YPEL2: variants seen among roughly 807,000 people sequenced by gnomAD.
YPEL2 encodes yippee like 2, also known as protein yippee-like 2.
A neutral mutation model predicts 19.1 loss-of-function variants in YPEL2; 2 were observed. That is an observed-to-expected ratio of 0.10 (90% confidence interval 0.04 to 0.33). YPEL2 has a LOEUF of 0.33. Among genes scored for constraint, YPEL2 ranks in the 10% least tolerant of loss-of-function variants. The probability of loss-of-function intolerance (pLI) is 1.00; values close to 1 mark genes in which losing one functional copy is unlikely to be tolerated. For synonymous variants in YPEL2, 52 were observed against 50.0 expected (o/e 1.04, Z -0.17); for missense variants, 66 against 140.7 (o/e 0.47, Z 2.68).
At chr17:59,358,311 T>C (rs1311278670) in intron 2 of YPEL2, among the ~76,000 whole-genome samples, 1 of 152,148 alleles carries the variant, frequency 6.6e-6, no homozygotes, top group Non-Finnish European at 1.5e-5. Context: ...TCCCTTCCTG[T>C]CTAGAGATTA....
intron 1 of YPEL2, among the ~76,000 whole-genome samples, chr17:59,347,500 C>CT (rs2047762366): frequency 6.6e-6 from 1 of 152,094 alleles, no homozygotes; most frequent in Non-Finnish European, 1.5e-5. Context: ...GTCAGATCTC[C>CT]TTTTTAAATA....
chr17:59,363,829 A>G (rs2047854400), intron 2 of YPEL2, among the ~76,000 whole-genome samples: 2 of 152,114 alleles, frequency 1.3e-5, no homozygotes, highest in Admixed American at 6.5e-5. Flanking sequence ...GGCCTTGCCT[A>G]TTTTATGGTC....
intron 1 of YPEL2, among the ~76,000 whole-genome samples, chr17:59,348,284 T>C (rs1329527462): frequency 6.6e-6 from 1 of 152,244 alleles, no homozygotes; most frequent in Non-Finnish European, 1.5e-5. Flanking sequence ...TTCCTTCCTG[T>C]AGAGAGTCCC....
intron 2 of YPEL2, among the ~76,000 whole-genome samples, chr17:59,382,944 T>C (rs1171404032): frequency 6.6e-6 from 1 of 152,150 alleles, no homozygotes; most frequent in Non-Finnish European, 1.5e-5. Flanking sequence ...CGCCTAGCAC[T>C]GAAAAGTGTT....
At chr17:59,347,291 G>A (rs967659096) in intron 1 of YPEL2, among the ~76,000 whole-genome samples, 1 of 152,078 alleles carries the variant, frequency 6.6e-6, no homozygotes, top group Non-Finnish European at 1.5e-5. Context: ...CTAGTTCCAG[G>A]TCCTTTTTTT....
chr17:59,360,651 G>T lies in YPEL2; in HGVS notation c.117+7125G>T, dbSNP rs73325113. Among the ~76,000 whole-genome samples the T allele has an allele frequency of 7.0e-3, 1,060 of 152,300 alleles. 12 individuals carry two copies. The highest frequency in any genetic ancestry group is 0.025 in the African/African-American group (1,027 of 41,554). On this transcript the variant is annotated intron_variant, in intron 2 of 4. Transcript: ENST00000312655. Reference sequence around the variant, plus strand: ...TTGACCACCCAGGAAGGGGTGGCAGGTGAATCAAATCTGTACAGAAAGTCT... The same window carrying T: ...TTGACCACCCAGGAAGGGGTGGCAGTTGAATCAAATCTGTACAGAAAGTCT...
intron 4 of YPEL2, among the ~76,000 whole-genome samples, chr17:59,395,952 G>C (rs1489835598): frequency 1.3e-5 from 2 of 152,108 alleles, no homozygotes; most frequent in Non-Finnish European, 1.5e-5. Context: ...ATGGTGGCAG[G>C]CTCCTGTAGT....
chr17:59,387,316 C>T (rs1241397395), intron 2 of YPEL2, among the ~76,000 whole-genome samples: 1 of 151,344 alleles, frequency 6.6e-6, no homozygotes, highest in Non-Finnish European at 1.5e-5. Context: ...CAGCACTGAT[C>T]CCTGACGTCC....
At chr17:59,397,005 T>TG (rs1368908152) in intron 4 of YPEL2, 96 bp from the exon 5 acceptor site, 7 of 848,474 alleles carry the variant, frequency 8.3e-6, no homozygotes, top group Non-Finnish European at 1.2e-5. Context: ...CACTCCAGCC[T>TG]GGGTGACAGA....
chr17:59,376,517 C>T (rs1314215827), intron 2 of YPEL2, among the ~76,000 whole-genome samples: 1 of 152,190 alleles, frequency 6.6e-6, no homozygotes, highest in Non-Finnish European at 1.5e-5. Flanking sequence ...CATGTCCGGC[C>T]AGATAGTTTG....
At chr17:59,345,302 T>A (rs993320236) in intron 1 of YPEL2, 4 of 152,142 alleles carry the variant, frequency 2.6e-5, no homozygotes, top group African/African-American at 7.2e-5. Flanking sequence ...AATGGTTGTT[T>A]TTGTTTATGA....
intron 3 of YPEL2, 31 bp downstream of exon 3, chr17:59,388,401 G>T (rs1392208726): frequency 1.2e-6 from 2 of 1,610,394 alleles, no homozygotes; most frequent in African/African-American, 1.3e-5. Context: ...CATTCCTTGT[G>T]GGGTACAGAT....
intron 2 of YPEL2, among the ~76,000 whole-genome samples, chr17:59,377,385 A>C (rs2047927494): frequency 2.0e-5 from 3 of 152,166 alleles, no homozygotes; most frequent in African/African-American, 7.2e-5. Context: ...CCAGCTCTTA[A>C]TGGCTGACTG....
At chr17:59,348,774 T>C (rs775993096) in intron 1 of YPEL2, among the ~76,000 whole-genome samples, 2 of 152,178 alleles carry the variant, frequency 1.3e-5, no homozygotes, top group East Asian at 1.9e-4. Context: ...TCCACAGTTA[T>C]GTTCTATGAG....
At chr17:59,374,083 C>T (rs1419528482) in intron 2 of YPEL2, among the ~76,000 whole-genome samples, 1 of 152,218 alleles carries the variant, frequency 6.6e-6, no homozygotes, top group Non-Finnish European at 1.5e-5. Flanking sequence ...TCAATCCCTT[C>T]ATTTCACAGA....
intron 4 of YPEL2, among the ~76,000 whole-genome samples, chr17:59,394,124 C>T (rs2048023843): frequency 1.3e-5 from 2 of 148,446 alleles, no homozygotes; most frequent in Non-Finnish European, 3.0e-5. Context: ...CCGGACGCGG[C>T]AGCTGGCCAG....
chr17:59,385,300 T>C (rs1033728117), intron 2 of YPEL2, among the ~76,000 whole-genome samples: 2 of 152,240 alleles, frequency 1.3e-5, no homozygotes, highest in Non-Finnish European at 2.9e-5. Context: ...CTGGACGCAG[T>C]GACTCACATC....
chr17:59,374,198 G>A (rs1229794996), intron 2 of YPEL2, among the ~76,000 whole-genome samples: 1 of 152,180 alleles, frequency 6.6e-6, no homozygotes, highest in Non-Finnish European at 1.5e-5. Context: ...GGGTAGTCTG[G>A]TTATTCTGAC....
chr17:59,363,593 A>G (rs2047852992), intron 2 of YPEL2, among the ~76,000 whole-genome samples: 1 of 152,204 alleles, frequency 6.6e-6, no homozygotes, highest in South Asian at 2.1e-4. Flanking sequence ...GATTACAGGC[A>G]TGAGCCGCCG....
Sources: gnomAD v4.1 joint callset for allele counts (sites outside exome capture counted in the v4.1 genomes callset) on GRCh38, gnomAD v4.1.1 for gene constraint, MANE v1.5 for transcripts, NCBI Gene and HGNC (gene_info 2026-07-23, HGNC 2026-07-21) for gene names.